Variants in MCTP1 observed in about 807,000 individuals in gnomAD.
The protein encoded by MCTP1 is multiple C2 and transmembrane domain-containing protein 1.
MCTP1 carries 69 observed loss-of-function variants against 120.6 expected under a neutral mutation model. The observed-to-expected ratio is 0.57, with a 90% CI of 0.47 to 0.70. The LOEUF (loss-of-function observed/expected upper bound fraction) is 0.70. MCTP1 is among the 30% of genes least tolerant of loss of function. MCTP1 has a pLI of 0.00. For synonymous variants in MCTP1, 529 were observed against 493.1 expected (o/e 1.07, Z -0.96); for missense variants, 1,203 against 1,248.8 (o/e 0.96, Z 0.55).
At chr5:95,030,178 G>T (rs1033365802) in intron 1 of MCTP1, among the ~76,000 whole-genome samples, 4 of 152,204 alleles carry the variant, frequency 2.6e-5, no homozygotes, top group African/African-American at 9.7e-5. Flanking sequence ...ACAGGGAAGT[G>T]ATAGAGAAGC....
intron 19 of MCTP1, among the ~76,000 whole-genome samples, chr5:94,718,879 C>A (rs1760170540): frequency 2.0e-5 from 3 of 152,152 alleles, no homozygotes; most frequent in Non-Finnish European, 2.9e-5. Flanking sequence ...GCCACCACAC[C>A]TGGCTAATTT....
intron 7 of MCTP1, among the ~76,000 whole-genome samples, chr5:94,918,351 A>G (rs536165273): frequency 3.9e-4 from 59 of 152,372 alleles, no homozygotes; most frequent in African/African-American, 1.3e-3. Context: ...TCAAAATGTC[A>G]GAATAGTGAT....
At chr5:95,012,497 GTT>G (rs1434116171) in intron 2 of MCTP1, among the ~76,000 whole-genome samples, 1 of 152,054 alleles carries the variant, frequency 6.6e-6, no homozygotes, top group African/African-American at 2.4e-5. Flanking sequence ...CAAATCGAAG[GTT>G]TATGGCAACA....
intron 2 of MCTP1, among the ~76,000 whole-genome samples, chr5:94,969,488 T>C (rs1460279323): frequency 3.3e-5 from 5 of 152,076 alleles, no homozygotes; most frequent in Non-Finnish European, 7.4e-5. Context: ...TAGCACTTAA[T>C]GAAACAGAAA....
chr5:95,214,596 C>G (rs1374283385), intron 1 of MCTP1, among the ~76,000 whole-genome samples: 1 of 152,094 alleles, frequency 6.6e-6, no homozygotes, highest in Non-Finnish European at 1.5e-5. Context: ...TTCACAATAG[C>G]AAAGACTTGG....
chr5:94,963,705 T>C (rs1554158556), intron 2 of MCTP1, among the ~76,000 whole-genome samples: 1 of 152,148 alleles, frequency 6.6e-6, no homozygotes, highest in Non-Finnish European at 1.5e-5. Context: ...TTATATAGTT[T>C]AGATGTTAGC....
intron 7 of MCTP1, among the ~76,000 whole-genome samples, chr5:94,919,236 G>A (rs1399459893): frequency 1.3e-5 from 2 of 152,180 alleles, no homozygotes; most frequent in South Asian, 2.1e-4. Context: ...GTAAGGTGGT[G>A]AAGTCATAGA....
chr5:94,733,784 T>C (rs1489463720), intron 19 of MCTP1, among the ~76,000 whole-genome samples: 2 of 151,760 alleles, frequency 1.3e-5, no homozygotes, highest in Admixed American at 6.6e-5. Flanking sequence ...GCCAATATGG[T>C]GAAACCCCGT....
At chr5:95,039,597 A>T (rs556160370) in intron 1 of MCTP1, among the ~76,000 whole-genome samples, 1 of 152,332 alleles carries the variant, frequency 6.6e-6, no homozygotes, top group African/African-American at 2.4e-5. Flanking sequence ...CCACAGGATG[A>T]GAATTTTATT....
intron 2 of MCTP1, among the ~76,000 whole-genome samples, chr5:94,957,959 G>C (rs940813521): frequency 4.6e-5 from 7 of 152,120 alleles, no homozygotes; most frequent in Non-Finnish European, 7.4e-5. Context: ...CAGATCAATA[G>C]AATATACATT....
At chr5:95,262,676 T>C (rs1235875648) in intron 1 of MCTP1, among the ~76,000 whole-genome samples, 2 of 152,130 alleles carry the variant, frequency 1.3e-5, no homozygotes, top group African/African-American at 4.8e-5. Flanking sequence ...TGTGGGAAAT[T>C]CTCAGCAGGA....
chr5:94,996,238 G>A (rs1294082770), intron 2 of MCTP1, among the ~76,000 whole-genome samples: 4 of 152,164 alleles, frequency 2.6e-5, no homozygotes, highest in African/African-American at 9.6e-5. Context: ...GAACATGTAC[G>A]TGATTACACT....
rs1756800031 is a variant in MCTP1 at position 95,246,464 on chromosome 5, C to T, written c.720+37392G>A. On this transcript the variant is annotated intron_variant, in intron 1 of 22. Transcript: ENST00000515393. ...AAATAAAGGGATGGAGGAAGATATA[C>T]CAAGCAAATGGAAAGCAAAAAAAAA... 4.0e-5 allele frequency among the ~76,000 whole-genome samples: 6 copies of T among 151,764 alleles called. No individual in the cohort carries two copies. The South Asian group carries it at 1.0e-3, about 26-fold the overall frequency.
chr5:95,120,176 C>CAA (rs56354602), intron 1 of MCTP1, among the ~76,000 whole-genome samples: 16,657 of 118,126 alleles, frequency 0.14, 2,224 homozygotes, highest in East Asian at 0.29. Flanking sequence ...GACTCCATCT[C>CAA]AAAAAAAAAA....
intron 1 of MCTP1, among the ~76,000 whole-genome samples, chr5:95,264,865 G>C (rs996807748): frequency 6.6e-6 from 1 of 152,170 alleles, no homozygotes; most frequent in Non-Finnish European, 1.5e-5. Context: ...AGCAATTCTG[G>C]GAGAAGGAAA....
At chr5:95,204,289 G>A (rs1031171495) in intron 1 of MCTP1, among the ~76,000 whole-genome samples, 4 of 152,028 alleles carry the variant, frequency 2.6e-5, no homozygotes, top group African/African-American at 7.2e-5. Flanking sequence ...GAATCCACCA[G>A]GTAGAAGAAA....
intron 1 of MCTP1, among the ~76,000 whole-genome samples, chr5:95,227,757 C>A (rs1016253755): frequency 6.6e-6 from 1 of 151,986 alleles, no homozygotes; most frequent in Non-Finnish European, 1.5e-5. Flanking sequence ...ATCACTAGGT[C>A]ATTACCTTAT....
chr5:95,218,394 T>A (rs1477473385), intron 1 of MCTP1, among the ~76,000 whole-genome samples: 3 of 152,218 alleles, frequency 2.0e-5, no homozygotes, highest in Non-Finnish European at 4.4e-5. Context: ...TCTCTTTGTT[T>A]CTTTAATCTA....
At chr5:95,283,765 G>A in intron 1 of MCTP1, 91 bp downstream of exon 1, 1 of 1,060,214 alleles carries the variant, frequency 9.4e-7, no homozygotes, top group Non-Finnish European at 1.2e-6. Flanking sequence ...CCGCCTCCCG[G>A]CCCCCGCCCC....
Sources: gnomAD v4.1 joint callset for allele counts (sites outside exome capture counted in the v4.1 genomes callset) on GRCh38, gnomAD v4.1.1 for gene constraint, MANE v1.5 for transcripts, NCBI Gene and HGNC (gene_info 2026-07-23, HGNC 2026-07-21) for gene names.